The following DGKZ variants were observed in gnomAD, a reference collection of about 807,000 sequenced individuals.
DGKZ encodes diacylglycerol kinase zeta.
Under a neutral mutation model 142.5 loss-of-function variants are expected in DGKZ, and 45 were observed. The ratio of observed to expected loss-of-function variants is 0.32; its 90% CI spans 0.25 to 0.40. The LOEUF is 0.40. Among genes scored for constraint, DGKZ ranks in the 10% least tolerant of loss-of-function variants. DGKZ has a pLI of 1.00. For missense variants in DGKZ, 755 were observed against 1,306.5 expected (o/e 0.58, Z 6.51); for synonymous variants, 442 against 527.0 (o/e 0.84, Z 2.21).
At chr11:46,345,328 GGCCA>G, upstream of DGKZ, 2 of 1,383,314 alleles carry the variant, frequency 1.4e-6, no homozygotes, top group Admixed American at 3.7e-5. This position sits in a 1 kb window ranked among gnomAD's most constrained non-coding sequence, Gnocchi z 4.1. Flanking sequence ...CAGCTTGGGC[GGCCA>G]GCGGCCTCTA....
At chr11:46,354,396 A>G (rs891942081) in intron 1 of DGKZ, among the ~76,000 whole-genome samples, 3 of 152,024 alleles carry the variant, frequency 2.0e-5, no homozygotes, top group South Asian at 2.1e-4. Context: ...AGGTCCTGCT[A>G]TGTTGCCCAG....
chr11:46,351,133 C>T (rs1195576721), intron 1 of DGKZ, among the ~76,000 whole-genome samples: 1 of 152,060 alleles, frequency 6.6e-6, no homozygotes, highest in East Asian at 1.9e-4. Context: ...CTCTCCTCCT[C>T]CAGGACCCAC....
Position 46,367,433 on chromosome 11 carries a change from T to G in DGKZ, c.270+34T>G. ...CTGAACACCCCTGGGTCCCAGACCC[T>G]CTGGGCTCTTGGCCAAGGCGCAGCT... On this transcript the variant is annotated intron_variant, in intron 2 of 30. Coordinates refer to ENST00000527911, the Ensembl canonical transcript of DGKZ. This position sits in a 1 kb window ranked among gnomAD's most constrained non-coding sequence, Gnocchi z 4.1. 1.9e-6 allele frequency: 3 copies of G among 1,600,934 alleles called. No homozygotes were observed. Among genetic ancestry groups the G allele is most frequent in the Non-Finnish European group, 1.7e-6 (2 of 1,170,658 alleles).
Position 46,366,303 on chromosome 11 carries a change from C to G in DGKZ, c.162-988C>G, listed in dbSNP as rs1213400294. On this transcript the variant is annotated intron_variant, in intron 1 of 30. Transcript: ENST00000527911. Reference sequence around the variant, plus strand: ...CATTTCCGGGGGAAGGTGCCAGGCCCTGGAGAGGGGCAGCAGCGGCCCAGC... The same window carrying G: ...CATTTCCGGGGGAAGGTGCCAGGCCGTGGAGAGGGGCAGCAGCGGCCCAGC... The G allele has an allele frequency of 2.5e-6, 4 of 1,583,096 alleles. No individual in the cohort carries two copies. The South Asian group carries it at 3.4e-5, about 13-fold the overall frequency.
chr11:46,373,486 G>GTTTTTTTTTTTTTTTT (rs560356746), intron 14 of DGKZ, among the ~76,000 whole-genome samples: 1 of 129,484 alleles, frequency 7.7e-6, no homozygotes, highest in Admixed American at 7.7e-5. Flanking sequence ...TTTTTTTCTT[G>GTTTTTTTTTTTTTTTT]TTTTTTTTTT....
intron 19 of DGKZ, 125 bp from the exon 20 acceptor site, chr11:46,375,307 C>T (rs1944414846): frequency 8.6e-7 from 1 of 1,168,336 alleles, no homozygotes. Flanking sequence ...CCCCTCTGCC[C>T]TCTGGCCAGG....
chr11:46,338,873 T>G (rs1360624870), intron 1 of DGKZ: 2 of 152,216 alleles, frequency 1.3e-5, no homozygotes, highest in Admixed American at 6.5e-5. Context: ...GATGTCAACT[T>G]CCTGACTCAG....
rs113907444 is a variant in DGKZ at position 46,378,187 on chromosome 11, C to T, written c.2343-11C>T. On this transcript the variant is annotated splice_polypyrimidine_tract_variant and intron_variant, in intron 25 of 30. Transcript: ENST00000527911. Reference sequence around the variant, plus strand: ...CCGTAGCCGGTCACAGCACATCATGCTCTGTTGCAGGTCACTGCAAGGGGA... The same window carrying T: ...CCGTAGCCGGTCACAGCACATCATGTTCTGTTGCAGGTCACTGCAAGGGGA... 19 of 1,608,948 alleles carry T rather than the reference C, an allele frequency of 1.2e-5. No homozygotes were observed. The highest frequency in any genetic ancestry group is 9.3e-5 in the African/African-American group (7 of 75,028).
At chr11:46,336,773 C>T (rs951151898) in intron 1 of DGKZ, among the ~76,000 whole-genome samples, 2 of 152,068 alleles carry the variant, frequency 1.3e-5, no homozygotes, top group Non-Finnish European at 2.9e-5. Flanking sequence ...AGGCTGGTCT[C>T]GAACTCCTGG....
In DGKZ at chr11:46,366,617, G is replaced by A. The variant is rs529941860; in HGVS notation, c.162-674G>A. 36 of 1,607,510 alleles carry A rather than the reference G, an allele frequency of 2.2e-5. No homozygotes were observed. The South Asian group carries it at 4.0e-4, about 18-fold the overall frequency. Reference sequence around the variant, plus strand: ...GCTTGTGGGCATGAATGAGGAGGAGGGTGTCCAGGAGGATGTGGTAGCCGA... The same window carrying A: ...GCTTGTGGGCATGAATGAGGAGGAGAGTGTCCAGGAGGATGTGGTAGCCGA... On this transcript the variant is annotated intron_variant, in intron 1 of 30. Coordinates refer to ENST00000527911, the Ensembl canonical transcript of DGKZ.
intron 6 of DGKZ, among the ~76,000 whole-genome samples, chr11:46,370,293 C>T (rs1328266156): frequency 4.6e-5 from 7 of 152,370 alleles, no homozygotes; most frequent in East Asian, 3.9e-4. Flanking sequence ...CTTACTCATT[C>T]GGTGACTCCA....
At chr11:46,377,673 C>A in intron 25 of DGKZ, 1 of 225,300 alleles carries the variant, frequency 4.4e-6, no homozygotes, top group Non-Finnish European at 8.8e-6. Context: ...TGGATTCTCC[C>A]CAGGCCCCCC....
At chr11:46,366,718 C>T (rs2136460218) in intron 1 of DGKZ, 6 of 1,557,020 alleles carry the variant, frequency 3.9e-6, no homozygotes, top group East Asian at 2.4e-5. Flanking sequence ...CGCTGTTGCC[C>T]CTACCCCGCT....
chr11:46,368,403 T>TGAA, intron 4 of DGKZ: 1 of 386,626 alleles, frequency 2.6e-6, no homozygotes, highest in South Asian at 2.1e-5. Flanking sequence ...ATTGATTTGC[T>TGAA]GAAGCTTCAT....
rs1370327189 is a variant in DGKZ, at chr11:46,367,021, A to G, written c.162-270A>G. On this transcript the variant is annotated intron_variant, in intron 1 of 30. Coordinates refer to ENST00000527911, the Ensembl canonical transcript of DGKZ. This position sits in a 1 kb window ranked among gnomAD's most constrained non-coding sequence, Gnocchi z 4.1. Reference sequence around the variant, plus strand: ...TGTGGCCAGCAGGGCGAGTGGTGTGACCTCCTGTGGGTCTGGCCTGGGCAT... The same window carrying G: ...TGTGGCCAGCAGGGCGAGTGGTGTGGCCTCCTGTGGGTCTGGCCTGGGCAT... 1 of 1,482,324 alleles carries G rather than the reference A, an allele frequency of 6.7e-7. No homozygotes were observed. The highest frequency in any genetic ancestry group is 1.4e-5 in the African/African-American group (1 of 71,252). 91.8% of individuals were successfully genotyped at this position (1,482,324 alleles called of 1,614,324 possible).
At chr11:46,359,610 T>C (rs921767483) in intron 1 of DGKZ, among the ~76,000 whole-genome samples, 4 of 151,408 alleles carry the variant, frequency 2.6e-5, no homozygotes, top group African/African-American at 9.8e-5. Flanking sequence ...TTTATATTTA[T>C]TTATTTATTT....
At chr11:46,359,344 C>G (rs1942377961) in intron 1 of DGKZ, among the ~76,000 whole-genome samples, 1 of 151,170 alleles carries the variant, frequency 6.6e-6, no homozygotes, top group Middle Eastern at 3.3e-3. Context: ...AGTCAGGAGG[C>G]TGAGACAGGA....
intron 1 of DGKZ, among the ~76,000 whole-genome samples, chr11:46,360,790 A>G (rs1038610798): frequency 2.8e-5 from 4 of 143,420 alleles, no homozygotes; most frequent in South Asian, 2.2e-4. Flanking sequence ...CATCTCAAAG[A>G]AAAAAAAAAA....
rs541750449 is a variant in DGKZ, at chr11:46,362,875, T to C, written c.162-4416T>C. On this transcript the variant is annotated intron_variant, in intron 1 of 30. Transcript: ENST00000527911. Reference sequence around the variant, plus strand: ...GCAAGGGTGCACGGCCAGACACCAATGGTCTTGTCTCCTGACTTCCTCTGT... The same window carrying C: ...GCAAGGGTGCACGGCCAGACACCAACGGTCTTGTCTCCTGACTTCCTCTGT... Among the ~76,000 whole-genome samples the C allele has an allele frequency of 2.0e-5, 3 of 152,312 alleles. No homozygotes were observed. The East Asian group carries it at 5.8e-4, about 29-fold the overall frequency.
Sources: gnomAD v4.1 joint callset for allele counts (sites outside exome capture counted in the v4.1 genomes callset) on GRCh38, gnomAD v4.1.1 for gene constraint, Gnocchi (gnomAD v3.1) non-coding constraint, MANE v1.5 for transcripts, NCBI Gene and HGNC (gene_info 2026-07-23, HGNC 2026-07-21) for gene names.